GHR: variants seen among roughly 807,000 people sequenced by gnomAD.
The protein encoded by GHR is growth hormone receptor.
In GHR, 35 loss-of-function variants were observed where a neutral mutation model predicts 67.1. That is an observed-to-expected ratio of 0.52 (90% CI 0.40 to 0.69). GHR has a LOEUF of 0.69. Among genes scored for constraint, GHR ranks in the 30% least tolerant of loss-of-function variants. The pLI is 0.00. For synonymous variants in GHR, 272 were observed against 269.1 expected (o/e 1.01, Z -0.10); for missense variants, 792 against 764.6 (o/e 1.04, Z -0.42).
At chr5:42,483,000 A>C (rs1217868068) in intron 1 of GHR, among the ~76,000 whole-genome samples, 2 of 151,992 alleles carry the variant, frequency 1.3e-5, no homozygotes, top group Non-Finnish European at 2.9e-5. Flanking sequence ...GACTGGAGCT[A>C]TTCCTATTTG....
At chr5:42,525,059 C>A (rs972909975) in intron 1 of GHR, among the ~76,000 whole-genome samples, 2 of 152,222 alleles carry the variant, frequency 1.3e-5, no homozygotes, top group African/African-American at 4.8e-5. Flanking sequence ...TCAGAGCCCC[C>A]ACACAGAGTC....
intron 1 of GHR, among the ~76,000 whole-genome samples, chr5:42,505,896 A>G (rs1423238018): frequency 6.6e-6 from 1 of 152,152 alleles, no homozygotes; most frequent in Non-Finnish European, 1.5e-5. Context: ...ACTTTATCAT[A>G]CCATTCATGC....
At chr5:42,560,528 T>A (rs998584023) in intron 1 of GHR, among the ~76,000 whole-genome samples, 1 of 152,204 alleles carries the variant, frequency 6.6e-6, no homozygotes, top group Non-Finnish European at 1.5e-5. Flanking sequence ...AAAGGTGTTA[T>A]GGAGACTTGT....
rs549406383 is a variant in GHR, at chr5:42,718,159, AT to A, written c.945+40del. 187 of 1,002,502 alleles carry A rather than the reference AT, an allele frequency of 1.9e-4. No homozygotes were observed. In the African/African-American group the frequency reaches 2.7e-3, roughly 14 times the overall value. 62.1% of individuals were successfully genotyped at this position (1,002,502 alleles called of 1,614,324 possible). A position where few individuals can be genotyped will look rare whatever the true frequency, so the allele number is the denominator to read the frequency against. The stretch of plus-strand genomic sequence containing the variant: ...TTTATCTAAATTGTAGCTAGTACTA[AT>A]TAACACCTGAAGACTCCTGTCATAT... On this transcript the variant is annotated intron_variant, in intron 9 of 9. Coordinates refer to ENST00000230882, the MANE Select transcript of GHR (RefSeq NM_000163.5).
At position 42,469,261 on chromosome 5, in the gene GHR, G is replaced by A. The variant is rs561877039; in HGVS notation, c.-12+45306G>A. On this transcript the variant is annotated intron_variant, in intron 1 of 9. Transcript: ENST00000230882. ...GAAAGCCTAATGGGAAGTGAGAAAA[G>A]TAAATTATTTCTTATATTTTTATGT... Among the ~76,000 whole-genome samples, 1,075 of 152,310 alleles carry A rather than the reference G, an allele frequency of 7.1e-3. 5 individuals carry two copies. The highest frequency in any genetic ancestry group is 0.02 in the Middle Eastern group (6 of 294).
At chr5:42,685,152 T>A (rs1757077492) in intron 3 of GHR, among the ~76,000 whole-genome samples, 1 of 152,120 alleles carries the variant, frequency 6.6e-6, no homozygotes, top group African/African-American at 2.4e-5. Context: ...GTATGTGTGT[T>A]CTCATTGTTC....
intron 4 of GHR, among the ~76,000 whole-genome samples, chr5:42,689,642 A>G (rs1757328838): frequency 6.6e-6 from 1 of 152,138 alleles, no homozygotes; most frequent in African/African-American, 2.4e-5. Context: ...GGCATATTTG[A>G]GGGATGAAAA....
chr5:42,600,311 G>T (rs1167676733), intron 2 of GHR, among the ~76,000 whole-genome samples: 1 of 152,228 alleles, frequency 6.6e-6, no homozygotes. Context: ...GAGAGAGAAA[G>T]GATGTAAGAG....
At chr5:42,689,087 T>C (rs1352905754) in intron 4 of GHR, 68 bp downstream of exon 4, 20 of 1,307,896 alleles carry the variant, frequency 1.5e-5, no homozygotes, top group Non-Finnish European at 2.0e-5. Context: ...CTGAGTCAGA[T>C]GTACTGTGGG....
At chr5:42,697,679 A>C (rs1757744930) in intron 5 of GHR, among the ~76,000 whole-genome samples, 1 of 152,186 alleles carries the variant, frequency 6.6e-6, no homozygotes, top group Non-Finnish European at 1.5e-5. Context: ...CAGACAAGAC[A>C]GTCAAATCTA....
chr5:42,424,961 T>C lies in GHR; in HGVS notation c.-12+1006T>C. ...CGTGTCGGCGCCTGAGCCAGTAGGG[T>C]GTGCAGGGTGGAAGAGGCCACAGAG... On this transcript the variant is annotated intron_variant, in intron 1 of 9. Transcript: ENST00000230882. This position sits in a 1 kb window ranked among gnomAD's most constrained non-coding sequence, Gnocchi z 4.1. 1.0e-6 allele frequency: 1 copy of C among 981,224 alleles called. No individual in the cohort carries two copies. Among genetic ancestry groups the C allele is most frequent in the South Asian group, 4.7e-5 (1 of 21,212 alleles). The allele number at this position is 981,224 out of a possible 1,614,324, so 60.8% of individuals were successfully genotyped here. A position where few individuals can be genotyped will look rare whatever the true frequency, so the allele number is the denominator to read the frequency against.
intron 6 of GHR, 46 bp from the exon 7 acceptor site, chr5:42,711,161 G>C: frequency 1.4e-6 from 2 of 1,426,174 alleles, no homozygotes; most frequent in Middle Eastern, 3.5e-4. Context: ...ATTGCATTGA[G>C]TTGTTGACTC....
chr5:42,587,818 G>A (rs1178332920), intron 2 of GHR, among the ~76,000 whole-genome samples: 1 of 152,066 alleles, frequency 6.6e-6, no homozygotes, highest in Non-Finnish European at 1.5e-5. Context: ...GAGCTGAACC[G>A]TGTTCCCTGT....
In GHR at chr5:42,571,032, C is replaced by T. The variant is rs146393905; in HGVS notation, c.70+5088C>T. ...CTAATTAACCTGTGGATTTTTGACTCGGGGAACTATCAGTGCCTTCTTTTC... is the reference window on the plus strand; with the variant it reads ...CTAATTAACCTGTGGATTTTTGACTTGGGGAACTATCAGTGCCTTCTTTTC... On this transcript the variant is annotated intron_variant, in intron 2 of 9. Coordinates refer to ENST00000230882, the MANE Select transcript of GHR (RefSeq NM_000163.5). Among the ~76,000 whole-genome samples, 333 of 152,218 alleles carry T rather than the reference C, an allele frequency of 2.2e-3. 2 individuals carry two copies. The highest frequency in any genetic ancestry group is 7.6e-3 in the African/African-American group (315 of 41,528).
chr5:42,576,109 A>G (rs1479622991), intron 2 of GHR, among the ~76,000 whole-genome samples: 6 of 86,008 alleles, frequency 7.0e-5, no homozygotes, highest in African/African-American at 3.2e-4. Flanking sequence ...TAAATAAAAT[A>G]AAATAAAATA....
chr5:42,605,754 G>A (rs891850891), intron 2 of GHR, among the ~76,000 whole-genome samples: 3 of 152,234 alleles, frequency 2.0e-5, no homozygotes, highest in African/African-American at 7.2e-5. Context: ...TGGAAGCTTG[G>A]TTATGTTTCT....
chr5:42,424,728 G>GGA lies in GHR; in HGVS notation c.-12+777_-12+778dup. The GGA allele has an allele frequency of 1.0e-6, 1 of 980,218 alleles. No homozygotes were observed. The highest frequency in any genetic ancestry group is 1.4e-5 in the South Asian group (1 of 73,120). 60.7% of individuals were successfully genotyped at this position (980,218 alleles called of 1,614,324 possible). On this transcript the variant is annotated intron_variant, in intron 1 of 9. Coordinates refer to ENST00000230882, the MANE Select transcript of GHR (RefSeq NM_000163.5). The surrounding 1 kb of genome is among the most constrained non-coding windows in gnomAD (Gnocchi z 4.1). ...GTCAATGGGGTGGCCGCGTGTCTAG[G>GGA]GAGAGGGCGCTGGCGGCGCAGAGGG... is the stretch of plus-strand genomic sequence containing the variant.
intron 5 of GHR, among the ~76,000 whole-genome samples, chr5:42,698,024 A>G (rs921114035): frequency 1.3e-5 from 2 of 152,174 alleles, no homozygotes; most frequent in African/African-American, 4.8e-5. Flanking sequence ...GGACAAGTTC[A>G]TTGTTTTTAT....
intron 3 of GHR, among the ~76,000 whole-genome samples, chr5:42,650,640 C>A (rs1754978811): frequency 6.9e-6 from 1 of 145,344 alleles, no homozygotes; most frequent in African/African-American, 2.6e-5. Flanking sequence ...TCAAAATGAT[C>A]AGTTTTATTA....
Sources: allele counts gnomAD v4.1 joint callset (sites outside exome capture counted in the v4.1 genomes callset), GRCh38; gene constraint gnomAD v4.1.1; non-coding constraint Gnocchi (gnomAD v3.1); transcripts MANE v1.5; gene names NCBI Gene and HGNC (gene_info 2026-07-23, HGNC 2026-07-21).